Variants in LOC128092252 observed in about 807,000 individuals in gnomAD.
chr15:50,673,114 G>T, the LOC128092252 span, among the ~76,000 whole-genome samples: 1 of 151,032 alleles, frequency 6.6e-6, no homozygotes, highest in African/African-American at 2.5e-5. Flanking sequence ...GTGTAGGCTA[G>T]GTGTACAGTG....
At chr15:50,670,630 C>T in the LOC128092252 span, among the ~76,000 whole-genome samples, 11 of 152,058 alleles carry the variant, frequency 7.2e-5, no homozygotes, top group South Asian at 1.5e-3. Context: ...GGGAACTGCC[C>T]ACCACTTTCC....
the LOC128092252 span, among the ~76,000 whole-genome samples, chr15:50,652,617 A>G: frequency 6.7e-6 from 1 of 149,212 alleles, no homozygotes; most frequent in African/African-American, 2.5e-5. Context: ...AACATTTAGG[A>G]GGAAATATAA....
the LOC128092252 span, among the ~76,000 whole-genome samples, chr15:50,667,593 G>C: frequency 6.6e-6 from 1 of 152,226 alleles, no homozygotes; most frequent in Non-Finnish European, 1.5e-5. Context: ...TGTAATCCCA[G>C]CTGCTAGGGA....
chr15:50,678,333 T>C, the LOC128092252 span, among the ~76,000 whole-genome samples: 1 of 150,438 alleles, frequency 6.6e-6, no homozygotes, highest in African/African-American at 2.4e-5. Context: ...TGGGTCAACA[T>C]GCCTGCCAAG....
the LOC128092252 span, among the ~76,000 whole-genome samples, chr15:50,660,917 C>G: frequency 6.6e-6 from 1 of 151,274 alleles, no homozygotes; most frequent in African/African-American, 2.4e-5. Flanking sequence ...CTAAATTGAC[C>G]AATAGTAGAA....
At chr15:50,654,207 A>T in the LOC128092252 span, among the ~76,000 whole-genome samples, 5 of 152,048 alleles carry the variant, frequency 3.3e-5, no homozygotes, top group Non-Finnish European at 7.4e-5. Flanking sequence ...GCACTTTGGG[A>T]GGCCAAGGCG....
the LOC128092252 span, among the ~76,000 whole-genome samples, chr15:50,665,790 C>G: frequency 6.6e-6 from 1 of 151,794 alleles, no homozygotes; most frequent in East Asian, 1.9e-4. Context: ...AGGTCAGGAG[C>G]TCAAGACCAG....
At chr15:50,654,841 A>AG in the LOC128092252 span, among the ~76,000 whole-genome samples, 5 of 148,506 alleles carry the variant, frequency 3.4e-5, no homozygotes, top group Admixed American at 1.3e-4. Flanking sequence ...ACTAAAAAAA[A>AG]CCACAAAAAA....
At chr15:50,651,912 T>C in the LOC128092252 span, among the ~76,000 whole-genome samples, 2 of 151,596 alleles carry the variant, frequency 1.3e-5, no homozygotes, top group Non-Finnish European at 2.9e-5. Context: ...AATAAATAAA[T>C]AAAATAATAA....
the LOC128092252 span, among the ~76,000 whole-genome samples, chr15:50,654,845 C>T: frequency 4.1e-5 from 6 of 146,040 alleles, no homozygotes; most frequent in Non-Finnish European, 7.6e-5. Flanking sequence ...AAAAAAACCA[C>T]AAAAAACTAC....
chr15:50,683,233 T>TA, the LOC128092252 span, among the ~76,000 whole-genome samples: 129 of 147,838 alleles, frequency 8.7e-4, no homozygotes, highest in African/African-American at 9.7e-4. Context: ...GGCAGTCACT[T>TA]AAAAAAAAAA....
chr15:50,660,920 T>C, the LOC128092252 span, among the ~76,000 whole-genome samples: 2 of 151,802 alleles, frequency 1.3e-5, no homozygotes, highest in African/African-American at 4.8e-5. Flanking sequence ...AATTGACCAA[T>C]AGTAGAACAG....
the LOC128092252 span, among the ~76,000 whole-genome samples, chr15:50,653,306 T>C: frequency 1.3e-5 from 2 of 152,160 alleles, no homozygotes; most frequent in South Asian, 4.1e-4. Flanking sequence ...AAAACAAGCA[T>C]TGGACAAAAC....
the LOC128092252 span, among the ~76,000 whole-genome samples, chr15:50,660,713 C>T: frequency 0.058 from 8,869 of 152,252 alleles, 332 homozygotes; most frequent in African/African-American, 0.11. Flanking sequence ...GAAAATGTTA[C>T]TCCAGTCATT....
At chr15:50,680,901 TTA>T in the LOC128092252 span, among the ~76,000 whole-genome samples, 360 of 152,284 alleles carry the variant, frequency 2.4e-3, 2 homozygotes, top group African/African-American at 8.3e-3. Flanking sequence ...TCTCTGCTCT[TTA>T]TATATAAATA....
At chr15:50,676,536 C>A in the LOC128092252 span, among the ~76,000 whole-genome samples, 2 of 151,820 alleles carry the variant, frequency 1.3e-5, no homozygotes, top group Non-Finnish European at 2.9e-5. Context: ...CTGGTCAACA[C>A]AGCGAGACCT....
At chr15:50,667,827 TG>T in the LOC128092252 span, among the ~76,000 whole-genome samples, 1 of 152,246 alleles carries the variant, frequency 6.6e-6, no homozygotes, top group Non-Finnish European at 1.5e-5. Context: ...CAGTGAAATT[TG>T]GCTTATTGAC....
At chr15:50,680,731 CCTTAA>C in the LOC128092252 span, among the ~76,000 whole-genome samples, 1 of 151,916 alleles carries the variant, frequency 6.6e-6, no homozygotes, top group Non-Finnish European at 1.5e-5. Flanking sequence ...TTAAAAAAAA[CCTTAA>C]CTTTTTTAAC....
At chr15:50,683,143 C>G in the LOC128092252 span, among the ~76,000 whole-genome samples, 1 of 151,768 alleles carries the variant, frequency 6.6e-6, no homozygotes, top group Non-Finnish European at 1.5e-5. Flanking sequence ...CCGCCTCAGT[C>G]TCTCAAAGTG....
Sources: allele counts gnomAD v4.1 joint callset (sites outside exome capture counted in the v4.1 genomes callset), GRCh38; gene constraint gnomAD v4.1.1; transcripts MANE v1.5.